Variants in CADM2 observed in about 807,000 individuals in gnomAD.
The protein encoded by CADM2 is cell adhesion molecule 2, also known as immunoglobulin superfamily member 4D.
CADM2 carries 12 observed loss-of-function variants against 49.8 expected under a neutral mutation model. The ratio of observed to expected loss-of-function variants is 0.24; its 90% CI spans 0.15 to 0.39. The LOEUF is 0.39. Among genes scored for constraint, CADM2 ranks in the 10% least tolerant of loss-of-function variants. The pLI is 1.00. For missense variants in CADM2, 378 were observed against 492.3 expected (o/e 0.77, Z 2.20); for synonymous variants, 214 against 175.4 (o/e 1.22, Z -1.74).
intron 1 of CADM2, among the ~76,000 whole-genome samples, chr3:85,286,096 A>T (rs1189953821): frequency 6.6e-6 from 1 of 152,150 alleles, no homozygotes; most frequent in Non-Finnish European, 1.5e-5. Context: ...AGACATGGGC[A>T]TTCTTGTATA....
intron 3 of CADM2, among the ~76,000 whole-genome samples, chr3:85,824,551 G>A (rs1183750004): frequency 6.6e-6 from 1 of 152,104 alleles, no homozygotes; most frequent in East Asian, 1.9e-4. Context: ...AGCTACTTGT[G>A]AGACAGAGAA....
chr3:85,844,546 A>G (rs1213668561), intron 3 of CADM2, among the ~76,000 whole-genome samples: 1 of 152,298 alleles, frequency 6.6e-6, no homozygotes, highest in East Asian at 1.9e-4. Flanking sequence ...GTTCAGTCAT[A>G]TTTGGAACAA....
intron 1 of CADM2, among the ~76,000 whole-genome samples, chr3:85,057,658 G>T (rs1042035920): frequency 6.6e-6 from 1 of 152,092 alleles, no homozygotes; most frequent in Non-Finnish European, 1.5e-5. Context: ...ACAAGACAGA[G>T]TTGTTTGTTT....
At chr3:85,642,754 G>T (rs779182818) in intron 1 of CADM2, among the ~76,000 whole-genome samples, 1 of 152,116 alleles carries the variant, frequency 6.6e-6, no homozygotes, top group Non-Finnish European at 1.5e-5. Context: ...ATTATTCAGT[G>T]CAGTACAGTC....
At position 85,998,039 on chromosome 3, in the gene CADM2, A is replaced by G. The variant is rs142452892; in HGVS notation, c.970+36392A>G. Among the ~76,000 whole-genome samples, 275 of 152,252 alleles carry G rather than the reference A, an allele frequency of 1.8e-3. 1 individual carries two copies. Among genetic ancestry groups the G allele is most frequent in the Admixed American group, 3.9e-3 (60 of 15,276 alleles). On this transcript the variant is annotated intron_variant, in intron 8 of 9. Coordinates refer to ENST00000383699, the MANE Select transcript of CADM2 (RefSeq NM_001167675.2). ...ATGAAAAGGTTTTCATTGAGAAAAA[A>G]CACCTGACTTAGAAGGAGAGGTGAG...
At chr3:85,078,613 T>C (rs1409439287) in intron 1 of CADM2, among the ~76,000 whole-genome samples, 1 of 151,844 alleles carries the variant, frequency 6.6e-6, no homozygotes, top group Non-Finnish European at 1.5e-5. Flanking sequence ...CTTCCAATTT[T>C]ACATTCATAA....
chr3:85,669,733 G>A (rs1047292781), intron 1 of CADM2, among the ~76,000 whole-genome samples: 4 of 151,974 alleles, frequency 2.6e-5, no homozygotes, highest in Non-Finnish European at 5.9e-5. Context: ...TAAGCCTAAG[G>A]AAATATAAAT....
intron 1 of CADM2, among the ~76,000 whole-genome samples, chr3:85,025,002 T>C (rs1308886812): frequency 2.6e-5 from 4 of 152,084 alleles, no homozygotes; most frequent in Non-Finnish European, 4.4e-5. Context: ...ATAAATGTTA[T>C]TCAGCCTTAA....
chr3:85,601,233 T>C (rs1176831487), intron 1 of CADM2, among the ~76,000 whole-genome samples: 1 of 139,716 alleles, frequency 7.2e-6, no homozygotes, highest in Non-Finnish European at 1.6e-5. Flanking sequence ...AGGAATGAGA[T>C]TGTGTGATGA....
chr3:85,608,591 T>C (rs978191217), intron 1 of CADM2, among the ~76,000 whole-genome samples: 1 of 152,154 alleles, frequency 6.6e-6, no homozygotes, highest in Non-Finnish European at 1.5e-5. Context: ...GGATAAAGCA[T>C]CCAAACCTAC....
chr3:85,568,462 T>TCG (rs2062358981), intron 1 of CADM2, among the ~76,000 whole-genome samples: 1 of 9,052 alleles, frequency 1.1e-4, no homozygotes, highest in African/African-American at 2.9e-4. Context: ...TTTCTTTCTT[T>TCG]CTCTTTCTCT....
At chr3:85,687,984 G>A (rs2066266166) in intron 1 of CADM2, among the ~76,000 whole-genome samples, 1 of 152,156 alleles carries the variant, frequency 6.6e-6, no homozygotes, top group Non-Finnish European at 1.5e-5. Flanking sequence ...AGGGATCTAG[G>A]CTGTGCACTC....
intron 1 of CADM2, among the ~76,000 whole-genome samples, chr3:85,157,462 A>C: frequency 6.6e-6 from 1 of 152,202 alleles, no homozygotes; most frequent in Admixed American, 6.6e-5. Context: ...AGAGTACCCA[A>C]AACAGCATGG....
chr3:85,080,550 A>G (rs2037124117), intron 1 of CADM2, among the ~76,000 whole-genome samples: 1 of 152,120 alleles, frequency 6.6e-6, no homozygotes, highest in Admixed American at 6.6e-5. Context: ...TACCAAAATA[A>G]TAATCTTAAT....
chr3:85,029,334 A>G (rs2034876836), intron 1 of CADM2, among the ~76,000 whole-genome samples: 2 of 152,168 alleles, frequency 1.3e-5, no homozygotes, highest in Non-Finnish European at 1.5e-5. Context: ...AATCCAAAGA[A>G]AATTCTAAGT....
intron 8 of CADM2, among the ~76,000 whole-genome samples, chr3:85,964,679 T>C (rs915983251): frequency 6.6e-6 from 1 of 151,734 alleles, no homozygotes; most frequent in African/African-American, 2.4e-5. Context: ...AGAGTCACCA[T>C]ACTAATACCT....
chr3:85,696,911 T>G (rs2107696299), intron 1 of CADM2, among the ~76,000 whole-genome samples: 1 of 151,766 alleles, frequency 6.6e-6, no homozygotes, highest in African/African-American at 2.4e-5. Flanking sequence ...ACTAAGAAAA[T>G]AGATTTTACC....
At chr3:85,509,384 C>G (rs1032394477) in intron 1 of CADM2, among the ~76,000 whole-genome samples, 2 of 152,116 alleles carry the variant, frequency 1.3e-5, no homozygotes, top group African/African-American at 4.8e-5. Flanking sequence ...CTATCACGAT[C>G]ATGGTCCAAA....
At position 85,910,853 on chromosome 3, in the gene CADM2, A is replaced by G. The variant is rs537003325; in HGVS notation, c.530-1520A>G. Among the ~76,000 whole-genome samples, 136 of 152,120 alleles carry G rather than the reference A, an allele frequency of 8.9e-4. 1 individual carries two copies. Among genetic ancestry groups the G allele is most frequent in the African/African-American group, 3.1e-3 (129 of 41,578 alleles). On this transcript the variant is annotated intron_variant, in intron 5 of 9. Transcript: ENST00000383699. ...TCTTACTAATGTTTATTTTATTTCT[A>G]TCTTTAAAATCAATCAATATGATAA... is the stretch of plus-strand genomic sequence containing the variant.
Sources: allele counts gnomAD v4.1 joint callset (sites outside exome capture counted in the v4.1 genomes callset), GRCh38; gene constraint gnomAD v4.1.1; transcripts MANE v1.5; gene names NCBI Gene and HGNC (gene_info 2026-07-23, HGNC 2026-07-21).